The following MOCOS variants were observed in gnomAD, a reference collection of about 807,000 sequenced individuals.
MOCOS encodes human molybdenum cofactor sulfurase.
A neutral mutation model predicts 83.6 loss-of-function variants in MOCOS; 86 were observed. The observed-to-expected ratio is 1.03, with a 90% CI of 0.86 to 1.23. The LOEUF (loss-of-function observed/expected upper bound fraction) is 1.23. Among genes scored for constraint, MOCOS ranks in the 50% most tolerant of loss-of-function variants. The pLI, the probability that MOCOS is intolerant of heterozygous loss-of-function variation, is 0.00. For synonymous variants in MOCOS, 445 were observed against 434.7 expected, an observed-to-expected ratio of 1.02 and a Z score of -0.29; for missense variants, 1,120 against 1,126.9, an observed-to-expected ratio of 0.99 and a Z score of 0.09.
chr18:36,217,010 A>G (rs906542032), intron 8 of MOCOS, among the ~76,000 whole-genome samples: 5 of 152,184 alleles, frequency 3.3e-5, no homozygotes, highest in Non-Finnish European at 7.4e-5. Flanking sequence ...CTACTTCTCA[A>G]AAATATCATG....
chr18:36,232,724 A>G (rs899582374), intron 9 of MOCOS, among the ~76,000 whole-genome samples: 2 of 152,102 alleles, frequency 1.3e-5, no homozygotes, highest in Non-Finnish European at 2.9e-5. Flanking sequence ...ATTCCCACAT[A>G]TGAGTGAGAA....
intron 11 of MOCOS, among the ~76,000 whole-genome samples, chr18:36,253,246 G>A (rs528516361): frequency 6.6e-6 from 1 of 152,272 alleles, no homozygotes; most frequent in Non-Finnish European, 1.5e-5. Context: ...GAGATCAATT[G>A]CCAGCAGATA....
At chr18:36,226,759 T>A (rs1190487104) in intron 9 of MOCOS, among the ~76,000 whole-genome samples, 1 of 151,668 alleles carries the variant, frequency 6.6e-6, no homozygotes, top group Non-Finnish European at 1.5e-5. Context: ...ACATAAAATA[T>A]CTTAGAGTTA....
intron 11 of MOCOS, 123 bp downstream of exon 11, chr18:36,251,406 G>C: frequency 7.5e-7 from 1 of 1,329,238 alleles, no homozygotes; most frequent in East Asian, 2.3e-5. Context: ...GGGGTCATCA[G>C]CCTTTAGCAG....
intron 2 of MOCOS, 138 bp from the exon 3 acceptor site, chr18:36,198,552 A>T: frequency 4.9e-6 from 4 of 821,770 alleles, no homozygotes; most frequent in Non-Finnish European, 8.3e-6. Flanking sequence ...AGGGATAGAA[A>T]TCTAGGAGTG....
intron 9 of MOCOS, among the ~76,000 whole-genome samples, chr18:36,248,371 A>G (rs1390553988): frequency 6.6e-6 from 1 of 152,104 alleles, no homozygotes; most frequent in Non-Finnish European, 1.5e-5. Context: ...TGCTTTGCAA[A>G]CATTTCCTCT....
intron 1 of MOCOS, among the ~76,000 whole-genome samples, chr18:36,192,782 G>T (rs1278648413): frequency 6.6e-6 from 1 of 151,970 alleles, no homozygotes; most frequent in East Asian, 1.9e-4. Context: ...CAAGTAGCTG[G>T]GATTACAGGC....
chr18:36,227,756 C>T (rs1038730745), intron 9 of MOCOS, among the ~76,000 whole-genome samples: 3 of 152,060 alleles, frequency 2.0e-5, no homozygotes, highest in African/African-American at 4.8e-5. Flanking sequence ...CTAGGCAATA[C>T]CATTCAGGAC....
intron 13 of MOCOS, among the ~76,000 whole-genome samples, chr18:36,263,123 G>T (rs1442352371): frequency 6.6e-6 from 1 of 152,076 alleles, no homozygotes; most frequent in Non-Finnish European, 1.5e-5. Flanking sequence ...AAAAGCAAAT[G>T]CTCAAAAGAT....
intron 6 of MOCOS, among the ~76,000 whole-genome samples, chr18:36,211,079 A>G (rs2144911984): frequency 6.6e-6 from 1 of 152,160 alleles, no homozygotes; most frequent in African/African-American, 2.4e-5. Flanking sequence ...TGGCTAAGGC[A>G]TGACTAACTG....
chr18:36,248,206 G>A (rs1009772103), intron 9 of MOCOS, among the ~76,000 whole-genome samples: 66 of 151,656 alleles, frequency 4.4e-4, no homozygotes, highest in African/African-American at 1.6e-3. Context: ...TAGTGATGTT[G>A]AACATTAAAA....
chr18:36,253,174 G>C (rs1317422348), intron 11 of MOCOS, among the ~76,000 whole-genome samples: 1 of 152,212 alleles, frequency 6.6e-6, no homozygotes, highest in Non-Finnish European at 1.5e-5. Context: ...GGTTTACTGG[G>C]TTTCAGGAGG....
At chr18:36,221,613 T>C (rs1215730815) in intron 9 of MOCOS, among the ~76,000 whole-genome samples, 10 of 10,174 alleles carry the variant, frequency 9.8e-4, no homozygotes, top group African/African-American at 2.3e-3. Flanking sequence ...TGTTCTGTTC[T>C]GTTCTGTTCT....
In MOCOS at chr18:36,200,084, T is replaced by C; in HGVS notation, c.701T>C (p.Phe234Ser). The change falls in exon 4 of 15, where the codon TTT (phenylalanine) becomes TCT (serine). Residue 234 changes from phenylalanine (F) to serine (S), a missense_variant. By Grantham distance (155) the Phe-to-Ser change is radical (BLOSUM62 -2). Coordinates refer to ENST00000261326, the MANE Select transcript of MOCOS (RefSeq NM_017947.4). ...CCTGTGAGCACGCCTGGGAAGTGGT[T>C]TGTGCTGCTGGATGCAGCCTCCTAC... The part of the protein sequence containing the change: ...LHPVSTPGKW[F>S]VLLDAASYVS... The C allele has an allele frequency of 6.2e-7, 1 of 1,614,172 alleles. No individual in the cohort carries two copies. Among genetic ancestry groups the C allele is most frequent in the Non-Finnish European group, 8.5e-7 (1 of 1,180,010 alleles).
At chr18:36,250,522 C>T (rs2091618070) in intron 10 of MOCOS, among the ~76,000 whole-genome samples, 1 of 152,072 alleles carries the variant, frequency 6.6e-6, no homozygotes, top group Non-Finnish European at 1.5e-5. Context: ...AATCCTGGGC[C>T]CTGGTCCCAG....
chr18:36,248,849 G>A, intron 9 of MOCOS, 73 bp from the exon 10 acceptor site: 1 of 1,245,532 alleles, frequency 8.0e-7, no homozygotes, highest in Non-Finnish European at 1.2e-6. Flanking sequence ...CTACAGCTTT[G>A]TAGTATATTT....
intron 9 of MOCOS, among the ~76,000 whole-genome samples, chr18:36,227,505 T>C (rs2091522364): frequency 6.6e-6 from 1 of 152,044 alleles, no homozygotes; most frequent in African/African-American, 2.4e-5. Context: ...AAGAGATTCT[T>C]CTTCCTCAGC....
rs78127296 is a variant in MOCOS, at chr18:36,271,747, G to A, written c.*3062G>A. The A allele has an allele frequency of 0.052, 7,930 of 152,270 alleles. 294 individuals carry two copies. The highest frequency in any genetic ancestry group is 0.11 in the South Asian group (550 of 4,808). 9.4% of individuals were successfully genotyped at this position (152,270 alleles called of 1,614,324 possible). ...GAGAGGTTTTCTTTTGCATAGTTTG[G>A]TGAGCATCAAGAATCCTTTAAGGAG... On this transcript the variant is annotated 3_prime_UTR_variant, in exon 15 of 15. Coordinates refer to ENST00000261326, the MANE Select transcript of MOCOS (RefSeq NM_017947.4).
intron 7 of MOCOS, among the ~76,000 whole-genome samples, chr18:36,214,860 C>T (rs569117963): frequency 1.1e-4 from 16 of 152,278 alleles, no homozygotes; most frequent in South Asian, 6.2e-4. Context: ...GTGTCTGACC[C>T]GGATCCAGCA....
Sources: gnomAD v4.1 joint callset for allele counts (sites outside exome capture counted in the v4.1 genomes callset) on GRCh38, gnomAD v4.1.1 for gene constraint, MANE v1.5 for transcripts, NCBI Gene and HGNC (gene_info 2026-07-23, HGNC 2026-07-21) for gene names.